WWP1: variants seen among roughly 807,000 people sequenced by gnomAD.
WWP1 encodes the protein WW domain containing E3 ubiquitin protein ligase 1.
A neutral mutation model predicts 130.6 loss-of-function variants in WWP1; 49 were observed. The observed-to-expected ratio is 0.38, with a 90% CI of 0.30 to 0.48. The LOEUF (loss-of-function observed/expected upper bound fraction) is 0.48. WWP1 is among the 20% of genes least tolerant of loss of function. The probability of loss-of-function intolerance (pLI) is 0.99; values close to 1 mark genes in which losing one functional copy is unlikely to be tolerated. For missense variants in WWP1, 809 were observed against 1,100.6 expected (o/e 0.74, Z 3.75); for synonymous variants, 332 against 367.8 (o/e 0.90, Z 1.11).
chr8:86,349,005 G>C (rs964851253), intron 1 of WWP1, among the ~76,000 whole-genome samples: 2 of 152,128 alleles, frequency 1.3e-5, no homozygotes, highest in Non-Finnish European at 2.9e-5. Flanking sequence ...GGGCTCACAA[G>C]AGTACAAAAC....
intron 21 of WWP1, 123 bp from the exon 22 acceptor site, chr8:86,457,798 A>G (rs1025988114): frequency 1.4e-5 from 10 of 707,722 alleles, no homozygotes; most frequent in Non-Finnish European, 1.8e-5. Context: ...TGATCATTAT[A>G]TGCCATGCAT....
chr8:86,439,740 A>G (rs1055300867), intron 17 of WWP1, among the ~76,000 whole-genome samples: 36 of 152,186 alleles, frequency 2.4e-4, no homozygotes, highest in Admixed American at 1.9e-3. Flanking sequence ...TTTATTTTTC[A>G]ATTTTGTCCC....
chr8:86,349,277 C>T (rs1428507965), intron 1 of WWP1, among the ~76,000 whole-genome samples: 1 of 152,192 alleles, frequency 6.6e-6, no homozygotes, highest in African/African-American at 2.4e-5. Context: ...CCTCGGCCTC[C>T]CAGAGTGCTG....
At chr8:86,381,244 G>A (rs1033884606) in intron 4 of WWP1, among the ~76,000 whole-genome samples, 1 of 152,132 alleles carries the variant, frequency 6.6e-6, no homozygotes, top group Non-Finnish European at 1.5e-5. Flanking sequence ...TGAAGTCTCA[G>A]TAAGACTCCT....
chr8:86,416,590 TA>T (rs1339768106), intron 9 of WWP1, among the ~76,000 whole-genome samples: 1 of 151,952 alleles, frequency 6.6e-6, no homozygotes, highest in East Asian at 1.9e-4. Flanking sequence ...TTTTTTTTTT[TA>T]AGCAAAGTCT....
intron 8 of WWP1, among the ~76,000 whole-genome samples, chr8:86,409,451 G>A (rs1414038653): frequency 1.3e-5 from 2 of 150,160 alleles, no homozygotes; most frequent in African/African-American, 2.4e-5. Context: ...GGTCAGGGTG[G>A]TCTCAAACTC....
chr8:86,437,975 A>AT (rs1302126297), intron 16 of WWP1, among the ~76,000 whole-genome samples: 1 of 151,834 alleles, frequency 6.6e-6, no homozygotes, highest in East Asian at 1.9e-4. Context: ...AACTTTTTGT[A>AT]TTTTTTAGTA....
chr8:86,401,878 T>C (rs10956820), intron 7 of WWP1, 141 bp from the exon 8 acceptor site: 138,729 of 800,660 alleles, frequency 0.17, 13,068 homozygotes, highest in Non-Finnish European at 0.19. Flanking sequence ...AACTCAATTG[T>C]TTGGAAATAG....
rs1809987251 is a variant in WWP1 at position 86,431,742 on chromosome 8, G to A, written c.1600G>A (p.Val534Ile). 2 of 1,613,518 alleles carry A rather than the reference G, an allele frequency of 1.2e-6. No homozygotes were observed. The highest frequency in any genetic ancestry group is 1.7e-6 in the Non-Finnish European group (2 of 1,179,820). Residue 534 changes from valine to isoleucine, a missense_variant and splice_region_variant, in exon 14 of 25, where the codon GTA (valine) becomes ATA (isoleucine). Val to Ile is a conservative substitution (Grantham distance 29). This residue lies in a region of WWP1 where 450 missense variants were observed against 674.2 expected (regional missense o/e 0.67). Transcript: ENST00000517970. ...AGATCCTCGCAATGGGAAGTCATCT[G>A]TGTGAGTGAAAACCTGAAGTTCTCC... ...FKDPRNGKSSVTKGGPQIAYE... is the reference protein window; with the variant it reads ...FKDPRNGKSSITKGGPQIAYE...
chr8:86,410,402 A>G (rs1808516450), intron 8 of WWP1, among the ~76,000 whole-genome samples: 1 of 152,098 alleles, frequency 6.6e-6, no homozygotes, highest in African/African-American at 2.4e-5. Flanking sequence ...TTTCAAACTC[A>G]TTGATATGAA....
At chr8:86,375,915 C>T (rs1824621608) in intron 3 of WWP1, among the ~76,000 whole-genome samples, 1 of 152,210 alleles carries the variant, frequency 6.6e-6, no homozygotes, top group South Asian at 2.1e-4. Context: ...TTCCCAAAGC[C>T]TAACCAAAAT....
intron 24 of WWP1, among the ~76,000 whole-genome samples, chr8:86,465,150 G>T (rs551373278): frequency 1.3e-5 from 2 of 152,210 alleles, no homozygotes; most frequent in African/African-American, 2.4e-5. Flanking sequence ...GGCTAAGATT[G>T]CTAGGCAAAA....
intron 3 of WWP1, among the ~76,000 whole-genome samples, chr8:86,379,742 C>T (rs1459964686): frequency 6.6e-6 from 1 of 152,162 alleles, no homozygotes; most frequent in Non-Finnish European, 1.5e-5. Context: ...AGCTAACTTT[C>T]CAGATAAAAC....
rs755660986 is a variant in WWP1, at chr8:86,411,862, C to T, written c.1049C>T (p.Thr350Ile). ...RQQSGNANTE[T>I]LPSGWEQRKD... ...CAGTCTGGGAATGCCAACACAGAAA[C>T]CTTGCCATCAGGGTATGTTAAGCTT... Residue 350 changes from threonine (T) to isoleucine (I), a missense_variant, in exon 9 of 25, where the codon ACC becomes ATC. Transcript: ENST00000517970. 1.4e-5 allele frequency: 22 copies of T among 1,606,436 alleles called. No homozygotes were observed. The South Asian group carries it at 2.4e-4, about 18-fold the overall frequency.
chr8:86,344,101 CAAG>C (rs1234510689), intron 1 of WWP1, among the ~76,000 whole-genome samples: 2 of 151,960 alleles, frequency 1.3e-5, no homozygotes, highest in African/African-American at 4.8e-5. Flanking sequence ...TTTTAGCCAT[CAAG>C]TAGTAAATTA....
intron 3 of WWP1, among the ~76,000 whole-genome samples, chr8:86,376,576 AAAG>A (rs1261958126): frequency 6.6e-6 from 1 of 151,090 alleles, no homozygotes; most frequent in East Asian, 1.9e-4. Flanking sequence ...CTCAAAAAAA[AAAG>A]AAAGAAAAAG....
chr8:86,361,858 C>T (rs1469662366), intron 1 of WWP1, among the ~76,000 whole-genome samples: 4 of 151,636 alleles, frequency 2.6e-5, no homozygotes, highest in South Asian at 2.1e-4. Context: ...AATTGAGTCA[C>T]GTGTCTGTTT....
At chr8:86,437,044 C>T (rs1810327592) in intron 16 of WWP1, among the ~76,000 whole-genome samples, 1 of 151,844 alleles carries the variant, frequency 6.6e-6, no homozygotes, top group South Asian at 2.1e-4. Flanking sequence ...AAATGTACAT[C>T]TGAATTCATG....
intron 5 of WWP1, among the ~76,000 whole-genome samples, chr8:86,390,151 C>T (rs1807208901): frequency 6.7e-6 from 1 of 149,290 alleles, no homozygotes; most frequent in Non-Finnish European, 1.5e-5. Flanking sequence ...GCCGGGCAGA[C>T]ACGCTCCTCA....
Sources: allele counts gnomAD v4.1 joint callset (sites outside exome capture counted in the v4.1 genomes callset), GRCh38; gene constraint gnomAD v4.1.1; regional missense constraint gnomAD v4.1.1; transcripts MANE v1.5; gene names NCBI Gene and HGNC (gene_info 2026-07-23, HGNC 2026-07-21).